Variants in CD8A observed in about 807,000 individuals in gnomAD.
The protein encoded by CD8A is T-cell surface glycoprotein CD8 alpha chain.
In CD8A, 25 loss-of-function variants were observed where a neutral mutation model predicts 24.2. That is an observed-to-expected ratio of 1.03 (90% CI 0.75 to 1.44). CD8A has a LOEUF of 1.44. Among genes scored for constraint, CD8A ranks in the 40% most tolerant of loss-of-function variants. CD8A has a pLI of 0.00. For synonymous variants in CD8A, 165 were observed against 149.9 expected, an observed-to-expected ratio of 1.10 and a Z score of -0.74; for missense variants, 360 against 319.7, an observed-to-expected ratio of 1.13 and a Z score of -0.96.
chr2:86,790,241 G>T lies in CD8A; in HGVS notation c.403+87C>A, dbSNP rs189493486. The T allele has an allele frequency of 1.3e-4, 126 of 969,036 alleles. No individual in the cohort carries two copies. In the African/African-American group the frequency reaches 1.6e-3, roughly 13 times the overall value. 60.0% of individuals were successfully genotyped at this position (969,036 alleles called of 1,614,324 possible). A position where few individuals can be genotyped will look rare whatever the true frequency, so the allele number is the denominator to read the frequency against. On this transcript the variant is annotated intron_variant, in intron 2 of 5. Coordinates refer to ENST00000283635, the MANE Select transcript of CD8A (RefSeq NM_001768.7). ...AAGTCGCTTCCAGGTGCGCTAAGAG[G>T]CTTGAAAGCAGGGCCCAGGTGTGGA... is the stretch of plus-strand genomic sequence containing the variant.
chr2:86,789,841 C>T (rs1673196905), intron 2 of CD8A, 91 bp from the exon 3 acceptor site: 1 of 737,592 alleles, frequency 1.4e-6, no homozygotes, highest in Non-Finnish European at 1.9e-6. Context: ...CACGGGGACG[C>T]CTCCCCCCGG....
In CD8A at chr2:86,785,097, G is replaced by C. The variant is rs1188212470; in HGVS notation, c.*823C>G. ...CCTCACTGATGCTCAAATTCTATTT[G>C]TAAAGGGGTAGCCTGTCCTCTTTCA... On this transcript the variant is annotated 3_prime_UTR_variant, in exon 6 of 6. Coordinates refer to ENST00000283635, the MANE Select transcript of CD8A (RefSeq NM_001768.7). 2 of 453,964 alleles carry C rather than the reference G, an allele frequency of 4.4e-6. No homozygotes were observed. Among genetic ancestry groups the C allele is most frequent in the Non-Finnish European group, 8.8e-6 (2 of 226,782 alleles). The allele number at this position is 453,964 out of a possible 1,614,324, so 28.1% of individuals were successfully genotyped here. A position where few individuals can be genotyped will look rare whatever the true frequency, so the allele number is the denominator to read the frequency against.
At position 86,790,895 on chromosome 2, in the gene CD8A, G is replaced by A. The variant is rs769505299; in HGVS notation, c.-70C>T. The A allele has an allele frequency of 2.7e-5, 38 of 1,431,814 alleles. No homozygotes were observed. In the South Asian group the frequency reaches 4.3e-4, roughly 16 times the overall value. The allele number at this position is 1,431,814 out of a possible 1,614,324, so 88.7% of individuals were successfully genotyped here. On this transcript the variant is annotated 5_prime_UTR_variant, in exon 1 of 6. Transcript: ENST00000283635. The stretch of plus-strand genomic sequence containing the variant: ...GGGGAGGCGCGCGGGAGCCGGTGGG[G>A]CGCCGAGGGGGGAAAGTTGCGCCCT...
rs192903033 is a variant in CD8A, at chr2:86,805,883, G to A, written c.-418+1564C>T. On this transcript the variant is annotated intron_variant, in intron 2 of 8. Coordinates refer to the CD8A transcript ENST00000409511. The stretch of plus-strand genomic sequence containing the variant: ...AAATAAATAAATAAGTAAATAAAGG[G>A]GAAAAATACACTGCATCCAAAAAAG... Among the ~76,000 whole-genome samples, 88 of 151,950 alleles carry A rather than the reference G, an allele frequency of 5.8e-4. 2 individuals are homozygous for A. Among genetic ancestry groups the A allele is most frequent in the African/African-American group, 1.9e-3 (79 of 41,448 alleles).
chr2:86,794,835 T>C (rs1430363394), upstream of CD8A, among the ~76,000 whole-genome samples: 1 of 152,142 alleles, frequency 6.6e-6, no homozygotes, highest in East Asian at 1.9e-4. Context: ...CCTTCTTCAC[T>C]CCTCCTAGGT....
intron 2 of CD8A, among the ~76,000 whole-genome samples, chr2:86,803,947 T>C (rs1261086642): frequency 6.6e-6 from 1 of 152,210 alleles, no homozygotes; most frequent in African/African-American, 2.4e-5. Context: ...GGCCTAAGGA[T>C]ACGAAGTAGC....
upstream of CD8A, among the ~76,000 whole-genome samples, chr2:86,793,290 T>C (rs374328571): frequency 6.6e-6 from 1 of 152,234 alleles, no homozygotes; most frequent in East Asian, 1.9e-4. Flanking sequence ...AAGGCTGTGG[T>C]AGATATAATG....
intron 2 of CD8A, among the ~76,000 whole-genome samples, chr2:86,805,452 G>C (rs1673816062): frequency 1.3e-5 from 2 of 152,174 alleles, no homozygotes; most frequent in Admixed American, 6.5e-5. Flanking sequence ...CACCAGCTGT[G>C]GAGGAGTTTT....
At chr2:86,790,920 T>G, upstream of CD8A, 1 of 1,213,344 alleles carries the variant, frequency 8.2e-7, no homozygotes, top group Non-Finnish European at 1.2e-6. Flanking sequence ...AGTTGCGCCC[T>G]TCGGCCGGCC....
At chr2:86,794,480 T>C (rs573389708), upstream of CD8A, among the ~76,000 whole-genome samples, 2 of 152,180 alleles carry the variant, frequency 1.3e-5, no homozygotes, top group South Asian at 4.2e-4. Context: ...TTGGAAGGAG[T>C]TAGCTTGTCC....
At chr2:86,794,939 G>C (rs1156525688), upstream of CD8A, among the ~76,000 whole-genome samples, 1 of 152,074 alleles carries the variant, frequency 6.6e-6, no homozygotes, top group East Asian at 1.9e-4. Flanking sequence ...TCTCACCTCT[G>C]CTCTCTGCTT....
At position 86,790,787 on chromosome 2, in the gene CD8A, G is replaced by T. The variant is rs1356723729; in HGVS notation, c.39C>A (p.Ala13=). The change falls in exon 1 of 6, where the codon GCC becomes GCA. Residue 13 remains alanine (A), a synonymous_variant. Coordinates refer to ENST00000283635, the MANE Select transcript of CD8A (RefSeq NM_001768.7). Reference sequence around the variant, plus strand: ...GCGTCTCAAACTCACGGAGCAGCAAGGCCAGCGGCAGGAGCAAGGCGGTCA... The same window carrying T: ...GCGTCTCAAACTCACGGAGCAGCAATGCCAGCGGCAGGAGCAAGGCGGTCA... The part of the protein sequence containing the change: ...LPVTALLLPL[A]LLLHAARPSQ... 6.5e-7 allele frequency: 1 copy of T among 1,531,526 alleles called. No homozygotes were observed. The highest frequency in any genetic ancestry group is 2.4e-5 in the East Asian group (1 of 41,096). 94.9% of individuals were successfully genotyped at this position (1,531,526 alleles called of 1,614,324 possible). A position where few individuals can be genotyped will look rare whatever the true frequency, so the allele number is the denominator to read the frequency against.
At chr2:86,790,215 T>A in intron 2 of CD8A, 113 bp downstream of exon 2, 1 of 800,658 alleles carries the variant, frequency 1.2e-6, no homozygotes, top group Non-Finnish European at 2.2e-6. Flanking sequence ...GAACAGTATC[T>A]AAGTCGCTTC....
chr2:86,794,027 G>A (rs187307436), upstream of CD8A, among the ~76,000 whole-genome samples: 762 of 152,312 alleles, frequency 5.0e-3, 5 homozygotes, highest in South Asian at 0.02. Flanking sequence ...CCTTGCAGTG[G>A]CAGAACAGAT....
chr2:86,789,644 G>GC lies in CD8A; in HGVS notation c.509dup (p.Ala171ArgfsTer12), dbSNP rs1673182671. On this transcript the variant is annotated frameshift_variant, in exon 3 of 6. Transcript: ENST00000283635. LOFTEE classifies it high-confidence loss of function. The stretch of plus-strand genomic sequence containing the variant: ...CCGGGCCCCCGCACGCCTCACCTGC[G>GC]CCCCCCGCCGCTGGCCGGCACGCCT... 4 of 1,478,570 alleles carry GC rather than the reference G, an allele frequency of 2.7e-6. No individual in the cohort carries two copies. The highest frequency in any genetic ancestry group is 1.8e-6 in the Non-Finnish European group (2 of 1,118,832). The allele number at this position is 1,478,570 out of a possible 1,614,324, so 91.6% of individuals were successfully genotyped here. A position where few individuals can be genotyped will look rare whatever the true frequency, so the allele number is the denominator to read the frequency against.
rs866695008 is a variant in CD8A at position 86,789,893 on chromosome 2, C to A, written c.404-143G>T. The A allele has an allele frequency of 3.7e-5, 21 of 565,648 alleles. No homozygotes were observed. The South Asian group carries it at 4.8e-4, about 13-fold the overall frequency. The allele number at this position is 565,648 out of a possible 1,614,324, so 35.0% of individuals were successfully genotyped here. A position where few individuals can be genotyped will look rare whatever the true frequency, so the allele number is the denominator to read the frequency against. ...GATAGCAGAGGAGACAGGATGGGGACCCCGGGATGCGCGCGGACCCCTGTG... is the reference window on the plus strand; with the variant it reads ...GATAGCAGAGGAGACAGGATGGGGAACCCGGGATGCGCGCGGACCCCTGTG... On this transcript the variant is annotated intron_variant, in intron 2 of 5. Coordinates refer to ENST00000283635, the MANE Select transcript of CD8A (RefSeq NM_001768.7).
chr2:86,786,538 C>T (rs528623089), intron 5 of CD8A, among the ~76,000 whole-genome samples: 1 of 152,302 alleles, frequency 6.6e-6, no homozygotes, highest in African/African-American at 2.4e-5. Context: ...GCTGAGCGGC[C>T]CACCATCATC....
chr2:86,794,447 G>C (rs1465622764), upstream of CD8A, among the ~76,000 whole-genome samples: 2 of 152,152 alleles, frequency 1.3e-5, no homozygotes, highest in Admixed American at 1.3e-4. Context: ...CGCCAATTCA[G>C]GTCTATGGAG....
At chr2:86,791,099 C>T (rs1216848141), upstream of CD8A, 1 of 690,964 alleles carries the variant, frequency 1.4e-6, no homozygotes, top group Admixed American at 2.0e-5. Flanking sequence ...CTGAAAACTG[C>T]GGGTTTGGGG....
Sources: gnomAD v4.1 joint callset for allele counts (sites outside exome capture counted in the v4.1 genomes callset) on GRCh38, gnomAD v4.1.1 for gene constraint, MANE v1.5 for transcripts, NCBI Gene and HGNC (gene_info 2026-07-23, HGNC 2026-07-21) for gene names.